Variants in CYP19A1 observed in about 807,000 individuals in gnomAD.
CYP19A1 encodes the protein cytochrome P450 family 19 subfamily A member 1, also known as aromatase.
A neutral mutation model predicts 44.4 loss-of-function variants in CYP19A1; 32 were observed. The observed-to-expected ratio is 0.72, with a 90% confidence interval of 0.54 to 0.97. The LOEUF (loss-of-function observed/expected upper bound fraction) is 0.97. Ranked by LOEUF, CYP19A1 falls within the 50% of genes least tolerant of loss-of-function variation. The probability of loss-of-function intolerance (pLI) is 0.00; values close to 1 mark genes in which losing one functional copy is unlikely to be tolerated. For missense variants in CYP19A1, 598 were observed against 637.8 expected, an observed-to-expected ratio of 0.94 and a Z score of 0.67; for synonymous variants, 212 against 215.6, an observed-to-expected ratio of 0.98 and a Z score of 0.14.
At chr15:51,231,659 A>C (rs2033046194) in intron 3 of CYP19A1, among the ~76,000 whole-genome samples, 2 of 151,682 alleles carry the variant, frequency 1.3e-5, no homozygotes, top group African/African-American at 2.4e-5. Flanking sequence ...ACGTTAGCGC[A>C]CACGTGCCTG....
In CYP19A1 at chr15:51,286,225, C is replaced by A. The variant is rs528772283; in HGVS notation, c.-38-43275G>T. On this transcript the variant is annotated intron_variant, in intron 1 of 9. Transcript: ENST00000396402. ...TTGCTCTCTCTTTTTACCCCTGCCA[C>A]AGAAAACCTGGCTTCCTTCCTCACC... Among the ~76,000 whole-genome samples the A allele has an allele frequency of 1.6e-4, 25 of 152,336 alleles. 1 individual carries two copies. In the South Asian group the frequency reaches 4.8e-3, roughly 29 times the overall value.
At chr15:51,236,054 A>G (rs1024064497) in intron 3 of CYP19A1, among the ~76,000 whole-genome samples, 1 of 152,224 alleles carries the variant, frequency 6.6e-6, no homozygotes, top group African/African-American at 2.4e-5. Context: ...TATTTAGTTA[A>G]CCATAGAGCT....
intron 3 of CYP19A1, among the ~76,000 whole-genome samples, chr15:51,231,367 A>G (rs1188943152): frequency 2.0e-5 from 3 of 152,144 alleles, no homozygotes; most frequent in Non-Finnish European, 4.4e-5. Context: ...TCACAGGGGG[A>G]AAAGTGTGGC....
rs12909276 is a variant in CYP19A1, at chr15:51,229,236, T to C, written c.297-1303A>G. 2.9e-3 allele frequency among the ~76,000 whole-genome samples: 438 copies of C among 151,906 alleles called. 4 individuals carry two copies. The highest frequency in any genetic ancestry group is 4.7e-3 in the Non-Finnish European group (322 of 67,968). Reference sequence around the variant, plus strand: ...ACAGGATTATTATTGTATAATAATATATAATATATAAGGTGTGGTAGTGTG... The same window carrying C: ...ACAGGATTATTATTGTATAATAATACATAATATATAAGGTGTGGTAGTGTG... On this transcript the variant is annotated intron_variant, in intron 3 of 9. Transcript: ENST00000396402.
intron 1 of CYP19A1, among the ~76,000 whole-genome samples, chr15:51,245,489 A>G (rs1005553909): frequency 6.6e-6 from 1 of 152,246 alleles, no homozygotes; most frequent in Non-Finnish European, 1.5e-5. Context: ...AAACACCAAA[A>G]GCAATGGCAA....
At chr15:51,330,580 G>A (rs2036684581) in intron 1 of CYP19A1, among the ~76,000 whole-genome samples, 1 of 152,190 alleles carries the variant, frequency 6.6e-6, no homozygotes, top group African/African-American at 2.4e-5. Flanking sequence ...AACAGGCAGG[G>A]TTTGGGTATG....
chr15:51,255,533 G>A (rs2034481019), intron 1 of CYP19A1: 1 of 152,200 alleles, frequency 6.6e-6, no homozygotes, highest in Non-Finnish European at 1.5e-5. Flanking sequence ...GCTGAGGAGG[G>A]GAGGCTCTCT....
intron 1 of CYP19A1, among the ~76,000 whole-genome samples, chr15:51,333,802 CT>C (rs1285705198): frequency 2.6e-5 from 4 of 152,178 alleles, no homozygotes; most frequent in African/African-American, 9.7e-5. Flanking sequence ...GCAGGAATCC[CT>C]TTTGGTCACT....
rs542206031 is a variant in CYP19A1, at chr15:51,210,576, C to A, written c.*232G>T. 2 of 667,402 alleles carry A rather than the reference C, an allele frequency of 3.0e-6. No homozygotes were observed. Among genetic ancestry groups the A allele is most frequent in the African/African-American group, 3.5e-5 (2 of 56,670 alleles). The allele number at this position is 667,402 out of a possible 1,614,324, so 41.3% of individuals were successfully genotyped here. A position where few individuals can be genotyped will look rare whatever the true frequency, so the allele number is the denominator to read the frequency against. ...GATACGGTTTCTTCACCGACTATTT[C>A]TCCCTCAAACTCTTGGCCTCTGCTT... On this transcript the variant is annotated 3_prime_UTR_variant, in exon 10 of 10. Transcript: ENST00000396402.
At chr15:51,230,750 C>A (rs1011618322) in intron 3 of CYP19A1, among the ~76,000 whole-genome samples, 4 of 151,812 alleles carry the variant, frequency 2.6e-5, no homozygotes, top group African/African-American at 9.7e-5. Flanking sequence ...CCCTGAGTAG[C>A]TGGGATTACA....
intron 1 of CYP19A1, among the ~76,000 whole-genome samples, chr15:51,276,089 T>C (rs2035299202): frequency 6.6e-6 from 1 of 152,246 alleles, no homozygotes; most frequent in South Asian, 2.1e-4. Context: ...CTTGTTTTGA[T>C]TTCCAGATTT....
chr15:51,308,032 T>G (rs1358374534), intron 1 of CYP19A1, among the ~76,000 whole-genome samples: 4 of 152,132 alleles, frequency 2.6e-5, no homozygotes, highest in Non-Finnish European at 4.4e-5. Context: ...TGCTATTAAA[T>G]GAGAAAGAGG....
intron 1 of CYP19A1, among the ~76,000 whole-genome samples, chr15:51,305,671 C>A (rs2036202376): frequency 6.6e-6 from 1 of 152,128 alleles, no homozygotes; most frequent in African/African-American, 2.4e-5. Context: ...AGCAATTCTC[C>A]TGCCTCAGCC....
At chr15:51,279,996 G>C (rs1316177744) in intron 1 of CYP19A1, 1 of 152,190 alleles carries the variant, frequency 6.6e-6, no homozygotes, top group Non-Finnish European at 1.5e-5. Flanking sequence ...AGAAGGGATG[G>C]GTCTAAGGGG....
chr15:51,295,987 G>A (rs1330692288), intron 1 of CYP19A1, among the ~76,000 whole-genome samples: 1 of 152,156 alleles, frequency 6.6e-6, no homozygotes. Flanking sequence ...CATGACCAAG[G>A]ACAGACTCCT....
intron 1 of CYP19A1, among the ~76,000 whole-genome samples, chr15:51,335,876 A>C (rs2036767209): frequency 6.6e-6 from 1 of 152,032 alleles, no homozygotes; most frequent in Non-Finnish European, 1.5e-5. Flanking sequence ...TTACAGCCTC[A>C]TTTCACTCCC....
chr15:51,296,702 G>A (rs1183137008), intron 1 of CYP19A1, among the ~76,000 whole-genome samples: 4 of 152,184 alleles, frequency 2.6e-5, no homozygotes, highest in Non-Finnish European at 4.4e-5. Flanking sequence ...GTAGATCAGA[G>A]TTTGAGTTTT....
At chr15:51,309,810 G>A (rs532440926) in intron 1 of CYP19A1, among the ~76,000 whole-genome samples, 1 of 152,340 alleles carries the variant, frequency 6.6e-6, no homozygotes, top group African/African-American at 2.4e-5. Flanking sequence ...TGGGAAAGAA[G>A]CTTTCAAGCT....
intron 1 of CYP19A1, among the ~76,000 whole-genome samples, chr15:51,274,126 C>T (rs1185229197): frequency 6.6e-6 from 1 of 152,102 alleles, no homozygotes; most frequent in Non-Finnish European, 1.5e-5. Flanking sequence ...GTGCTGTCCA[C>T]GGCAGGTGTG....
Sources: gnomAD v4.1 joint callset for allele counts (sites outside exome capture counted in the v4.1 genomes callset) on GRCh38, gnomAD v4.1.1 for gene constraint, MANE v1.5 for transcripts, NCBI Gene and HGNC (gene_info 2026-07-23, HGNC 2026-07-21) for gene names.